Variants in CYP7B1 observed in about 807,000 individuals in gnomAD.
CYP7B1 encodes cytochrome P450 7B1.
Under a neutral mutation model 42.7 loss-of-function variants are expected in CYP7B1, and 29 were observed. The ratio of observed to expected loss-of-function variants is 0.68; its 90% CI spans 0.51 to 0.93. CYP7B1 has a LOEUF of 0.93. CYP7B1 is among the 40% of genes least tolerant of loss of function. The pLI, the probability that CYP7B1 is intolerant of heterozygous loss-of-function variation, is 0.00. For synonymous variants in CYP7B1, 235 were observed against 218.2 expected (o/e 1.08, Z -0.68); for missense variants, 655 against 600.5 (o/e 1.09, Z -0.95).
chr8:64,760,095 C>T (rs1179781214), intron 1 of CYP7B1, among the ~76,000 whole-genome samples: 1 of 152,182 alleles, frequency 6.6e-6, no homozygotes, highest in East Asian at 1.9e-4. Context: ...TAAACTCATG[C>T]ATATATGATC....
Position 64,616,033 on chromosome 8 carries a change from A to G in CYP7B1, c.508T>C (p.Leu170=), listed in dbSNP as rs1432006874. 2 of 1,613,768 alleles carry G rather than the reference A, an allele frequency of 1.2e-6. No homozygotes were observed. Among genetic ancestry groups the G allele is most frequent in the East Asian group, 2.2e-5 (1 of 44,860 alleles). Residue 170 remains leucine, a synonymous_variant, in exon 3 of 6, where the codon TTA becomes CTA. Transcript: ENST00000310193. ...NLKQVFEPQL[L]KTTSWDTAEL... ...GCCGTGTCCCAACTTGTGGTTTTTA[A>G]CAGCTGGGGTTCAAAAACTTGTTTT...
chr8:64,787,252 C>A (rs573586432), intron 1 of CYP7B1, among the ~76,000 whole-genome samples: 169 of 152,214 alleles, frequency 1.1e-3, no homozygotes, highest in African/African-American at 3.8e-3. Flanking sequence ...TTTTTCTTTT[C>A]TATCACATTG....
intron 5 of CYP7B1, among the ~76,000 whole-genome samples, chr8:64,604,065 C>T (rs1352458930): frequency 1.3e-5 from 2 of 152,152 alleles, no homozygotes; most frequent in Non-Finnish European, 2.9e-5. Flanking sequence ...GGATTAATTT[C>T]CAGTCTTTGA....
chr8:64,654,144 C>T (rs2129631259), intron 1 of CYP7B1, among the ~76,000 whole-genome samples: 1 of 152,228 alleles, frequency 6.6e-6, no homozygotes, highest in Admixed American at 6.5e-5. Flanking sequence ...CACTCCTATT[C>T]AACATAGTAT....
downstream of CYP7B1, among the ~76,000 whole-genome samples, chr8:64,586,688 C>T (rs910381561): frequency 3.3e-5 from 5 of 152,300 alleles, no homozygotes; most frequent in Middle Eastern, 3.4e-3. Flanking sequence ...ATGGCAAAAC[C>T]TGACTATCAG....
chr8:64,692,524 A>C (rs929923298), intron 1 of CYP7B1, among the ~76,000 whole-genome samples: 3 of 152,208 alleles, frequency 2.0e-5, no homozygotes, highest in Admixed American at 1.3e-4. Flanking sequence ...AGAAGTGGAG[A>C]GAGAACAGAA....
intron 1 of CYP7B1, among the ~76,000 whole-genome samples, chr8:64,725,626 C>T (rs1807311845): frequency 6.6e-6 from 1 of 152,186 alleles, no homozygotes; most frequent in African/African-American, 2.4e-5. Flanking sequence ...ACACACATAA[C>T]TGCAAGGCTT....
At chr8:64,748,721 A>G (rs1807684033) in intron 1 of CYP7B1, among the ~76,000 whole-genome samples, 1 of 152,186 alleles carries the variant, frequency 6.6e-6, no homozygotes, top group African/African-American at 2.4e-5. Flanking sequence ...TTCATACAAC[A>G]AAACCCTTAC....
chr8:64,634,746 A>C (rs1215397952), intron 1 of CYP7B1, among the ~76,000 whole-genome samples: 1 of 152,138 alleles, frequency 6.6e-6, no homozygotes, highest in Non-Finnish European at 1.5e-5. Context: ...AAGTCAATTA[A>C]GTGGAGAATC....
intron 4 of CYP7B1, among the ~76,000 whole-genome samples, chr8:64,608,295 C>T (rs1269491100): frequency 6.6e-6 from 1 of 152,224 alleles, no homozygotes; most frequent in Non-Finnish European, 1.5e-5. Flanking sequence ...GGATGATTCT[C>T]ATTTGCAGAT....
intron 1 of CYP7B1, among the ~76,000 whole-genome samples, chr8:64,717,760 T>C (rs1807179189): frequency 6.6e-6 from 1 of 151,762 alleles, no homozygotes. Flanking sequence ...GGTGGGAAGA[T>C]CACTTGAGCC....
rs1805092202 is a variant in CYP7B1, at chr8:64,594,754, A to T, written c.*1888T>A. On this transcript the variant is annotated 3_prime_UTR_variant, in exon 6 of 6. Coordinates refer to ENST00000310193, the MANE Select transcript of CYP7B1 (RefSeq NM_004820.5). ...GTTCAAAGAAGAAACTGGAAGAGACATCTAAAGAAATTACATGGAGTGTAA... is the reference window on the plus strand; with the variant it reads ...GTTCAAAGAAGAAACTGGAAGAGACTTCTAAAGAAATTACATGGAGTGTAA... 6.6e-6 allele frequency among the ~76,000 whole-genome samples: 1 copy of T among 152,238 alleles called. No homozygotes were observed. The highest frequency in any genetic ancestry group is 1.5e-5 in the Non-Finnish European group (1 of 68,040).
At chr8:64,728,135 G>A (rs1337295073) in intron 1 of CYP7B1, 1 of 152,160 alleles carries the variant, frequency 6.6e-6, no homozygotes, top group African/African-American at 2.4e-5. Context: ...CACATAAAAG[G>A]ATACATAATT....
At chr8:64,760,767 T>C (rs1461719029) in intron 1 of CYP7B1, among the ~76,000 whole-genome samples, 2 of 152,074 alleles carry the variant, frequency 1.3e-5, no homozygotes, top group African/African-American at 4.8e-5. Flanking sequence ...TAAATTGGTA[T>C]ACCCATTACG....
At chr8:64,631,960 T>C (rs1241726554) in intron 1 of CYP7B1, among the ~76,000 whole-genome samples, 1 of 152,164 alleles carries the variant, frequency 6.6e-6, no homozygotes, top group Non-Finnish European at 1.5e-5. Context: ...CCTTGTACAC[T>C]ATTGGTGGGA....
intron 1 of CYP7B1, among the ~76,000 whole-genome samples, chr8:64,789,836 C>G (rs182976632): frequency 1.3e-5 from 2 of 152,346 alleles, no homozygotes; most frequent in Admixed American, 1.3e-4. Flanking sequence ...AATAAATCCA[C>G]ATCTCCATCT....
chr8:64,712,769 T>C (rs949476334), intron 1 of CYP7B1, among the ~76,000 whole-genome samples: 17 of 18,210 alleles, frequency 9.3e-4, no homozygotes, highest in African/African-American at 5.9e-3. Flanking sequence ...TGTGTATGTA[T>C]ATTTTATATA....
intron 1 of CYP7B1, among the ~76,000 whole-genome samples, chr8:64,743,617 C>T (rs1807601016): frequency 2.6e-5 from 4 of 152,124 alleles, no homozygotes; most frequent in Admixed American, 1.3e-4. Flanking sequence ...TCCACAGGCA[C>T]GCATCCCTTG....
intron 1 of CYP7B1, among the ~76,000 whole-genome samples, chr8:64,669,325 A>C (rs1178215436): frequency 6.6e-6 from 1 of 150,518 alleles, no homozygotes; most frequent in Admixed American, 6.7e-5. Flanking sequence ...AAGGTACGTT[A>C]CACATAACTC....
Sources: allele counts gnomAD v4.1 joint callset (sites outside exome capture counted in the v4.1 genomes callset), GRCh38; gene constraint gnomAD v4.1.1; transcripts MANE v1.5; gene names NCBI Gene and HGNC (gene_info 2026-07-23, HGNC 2026-07-21).